The following SAMD5 variants were observed in gnomAD, a reference collection of about 807,000 sequenced individuals.
SAMD5 encodes sterile alpha motif domain containing 5.
A neutral mutation model predicts 11.3 loss-of-function variants in SAMD5; 13 were observed. The observed-to-expected ratio is 1.15, with a 90% CI of 0.75 to 1.83. SAMD5 has a LOEUF of 1.83. Among genes scored for constraint, SAMD5 ranks in the 40% most tolerant of loss-of-function variants. The pLI, the probability that SAMD5 is intolerant of heterozygous loss-of-function variation, is 0.00. For missense variants in SAMD5, 255 were observed against 239.1 expected, an observed-to-expected ratio of 1.07 and a Z score of -0.44; for synonymous variants, 129 against 111.3, an observed-to-expected ratio of 1.16 and a Z score of -1.00.
At chr6:147,952,868 C>T in the SAMD5 span, among the ~76,000 whole-genome samples, 27 of 152,316 alleles carry the variant, frequency 1.8e-4, no homozygotes, top group Middle Eastern at 3.4e-3. Context: ...GAGAGACCTA[C>T]ATTTCATTTC....
chr6:147,833,675 C>T, the SAMD5 span, among the ~76,000 whole-genome samples: 1 of 152,036 alleles, frequency 6.6e-6, no homozygotes, highest in African/African-American at 2.4e-5. Flanking sequence ...TACTTTTTTC[C>T]TGTGTATGTA....
intron 1 of SAMD5, among the ~76,000 whole-genome samples, chr6:147,642,277 A>G (rs1790324074): frequency 6.6e-6 from 1 of 152,168 alleles, no homozygotes; most frequent in African/African-American, 2.4e-5. Flanking sequence ...TTTTCATTCT[A>G]CCTATTGTCT....
intron 1 of SAMD5, among the ~76,000 whole-genome samples, chr6:147,537,422 T>C (rs1788526378): frequency 1.3e-5 from 2 of 152,158 alleles, no homozygotes; most frequent in African/African-American, 4.8e-5. Context: ...CCAAAGTTAT[T>C]CATTTGGCCA....
the SAMD5 span, among the ~76,000 whole-genome samples, chr6:147,873,716 A>G: frequency 2.0e-5 from 3 of 152,220 alleles, no homozygotes; most frequent in African/African-American, 7.2e-5. Context: ...CTGAGTTAAA[A>G]TAATGACTTA....
At chr6:147,869,459 T>A in the SAMD5 span, among the ~76,000 whole-genome samples, 7 of 152,154 alleles carry the variant, frequency 4.6e-5, no homozygotes, top group African/African-American at 1.7e-4. Flanking sequence ...CTTGAGTAGC[T>A]CCTGAATGGA....
intron 1 of SAMD5, among the ~76,000 whole-genome samples, chr6:147,693,694 G>A (rs1398985746): frequency 3.9e-5 from 6 of 152,128 alleles, no homozygotes; most frequent in African/African-American, 7.2e-5. Context: ...GGCCGGGCGC[G>A]GTGGCTCATG....
intron 1 of SAMD5, among the ~76,000 whole-genome samples, chr6:147,543,549 G>C (rs1230575527): frequency 2.0e-5 from 3 of 152,048 alleles, no homozygotes; most frequent in Non-Finnish European, 2.9e-5. Context: ...ATAATATTTA[G>C]GTATGTATAC....
At chr6:147,735,001 T>TA (rs1279914113) in intron 1 of SAMD5, among the ~76,000 whole-genome samples, 1 of 152,160 alleles carries the variant, frequency 6.6e-6, no homozygotes, top group Non-Finnish European at 1.5e-5. Flanking sequence ...ATTTTTGTTT[T>TA]AAAAAGCCAG....
chr6:147,943,515 GCTCCTC>G, the SAMD5 span, among the ~76,000 whole-genome samples: 1 of 150,990 alleles, frequency 6.6e-6, no homozygotes, highest in South Asian at 2.1e-4. Flanking sequence ...CATTCTGAGG[GCTCCTC>G]CTCCTCCTCC....
At chr6:147,941,439 G>A in the SAMD5 span, among the ~76,000 whole-genome samples, 2 of 152,306 alleles carry the variant, frequency 1.3e-5, no homozygotes, top group South Asian at 2.1e-4. Flanking sequence ...AATTCCAAAC[G>A]TGCCTGCATT....
At chr6:147,782,789 C>A in the SAMD5 span, among the ~76,000 whole-genome samples, 1 of 152,296 alleles carries the variant, frequency 6.6e-6, no homozygotes, top group South Asian at 2.1e-4. Context: ...AAATTAAAAT[C>A]TTGATCCACA....
At chr6:147,557,143 A>G (rs2128443694) in intron 1 of SAMD5, among the ~76,000 whole-genome samples, 1 of 152,370 alleles carries the variant, frequency 6.6e-6, no homozygotes, top group East Asian at 1.9e-4. Context: ...TTTATTGAAT[A>G]GGAAGAAGTC....
chr6:147,633,509 C>T lies in SAMD5; in HGVS notation c.163-103808C>T, dbSNP rs1583115559. 3.3e-5 allele frequency among the ~76,000 whole-genome samples: 5 copies of T among 152,124 alleles called. No individual in the cohort carries two copies. The South Asian group carries it at 1.0e-3, about 32-fold the overall frequency. On this transcript the variant is annotated intron_variant, in intron 1 of 1. Transcript: ENST00000566741. ...ACAGTCTAGCATTTTACGGAGATAG[C>T]CTGAGGGAGGAAGCTTATACCACCA...
the SAMD5 span, among the ~76,000 whole-genome samples, chr6:147,838,535 C>CCCG: frequency 7.0e-6 from 1 of 142,894 alleles, no homozygotes; most frequent in African/African-American, 2.6e-5. Flanking sequence ...TATCCTGCCC[C>CCCG]CCCCCCGTAG....
At chr6:147,903,160 T>C in the SAMD5 span, among the ~76,000 whole-genome samples, 2 of 152,198 alleles carry the variant, frequency 1.3e-5, no homozygotes, top group Non-Finnish European at 2.9e-5. Context: ...CCATGGCTAA[T>C]TACTTATTAG....
intron 1 of SAMD5, among the ~76,000 whole-genome samples, chr6:147,639,658 C>G (rs1790281002): frequency 6.6e-6 from 1 of 152,220 alleles, no homozygotes; most frequent in Admixed American, 6.5e-5. Flanking sequence ...TGTGTTCCTT[C>G]CTAACTGCTG....
chr6:147,790,770 TTCTCTCTCTC>T, the SAMD5 span, among the ~76,000 whole-genome samples: 4,555 of 87,886 alleles, frequency 0.052, 192 homozygotes, highest in Non-Finnish European at 0.074. Context: ...CTCTCTCTCT[TTCTCTCTCTC>T]TCTCTCTCTC....
intron 1 of SAMD5, among the ~76,000 whole-genome samples, chr6:147,695,278 A>T (rs1240668338): frequency 2.0e-5 from 3 of 151,870 alleles, no homozygotes; most frequent in Non-Finnish European, 4.4e-5. Flanking sequence ...CCCACTGGAA[A>T]TTTTTTTTTA....
chr6:147,882,782 G>C, the SAMD5 span, among the ~76,000 whole-genome samples: 1 of 152,158 alleles, frequency 6.6e-6, no homozygotes, highest in Admixed American at 6.5e-5. Flanking sequence ...CACATTAAAA[G>C]ATATAGATCT....
Sources: allele counts gnomAD v4.1 joint callset (sites outside exome capture counted in the v4.1 genomes callset), GRCh38; gene constraint gnomAD v4.1.1; transcripts MANE v1.5; gene names NCBI Gene and HGNC (gene_info 2026-07-23, HGNC 2026-07-21).